Variants in BCOR observed in about 807,000 individuals in gnomAD.
BCOR encodes BCL6 corepressor, also known as BCL-6 corepressor.
Under a neutral mutation model 86.7 loss-of-function variants are expected in BCOR, and 10 were observed. The observed-to-expected ratio is 0.12, with a 90% CI of 0.07 to 0.20. The LOEUF is 0.20. BCOR is among the 10% of genes least tolerant of loss of function. BCOR has a pLI of 1.00. For synonymous variants in BCOR, 611 were observed against 609.0 expected, an observed-to-expected ratio of 1.00 and a Z score of -0.05; for missense variants, 1,259 against 1,452.1, an observed-to-expected ratio of 0.87 and a Z score of 2.16.
intron 1 of BCOR, among the ~76,000 whole-genome samples, chrX:40,172,470 C>T (rs759318858): frequency 8.8e-6 from 1 of 113,526 alleles, no homozygotes; most frequent in Non-Finnish European, 1.9e-5. Context: ...ACACAACCGC[C>T]ACGGGCTTCC....
At chrX:40,106,055 G>C (rs964067186) in intron 1 of BCOR, among the ~76,000 whole-genome samples, 3 of 112,291 alleles carry the variant, frequency 2.7e-5, no homozygotes, top group Non-Finnish European at 5.7e-5. Flanking sequence ...TCCACGTAGG[G>C]ACGTAGGGTC....
intron 1 of BCOR, among the ~76,000 whole-genome samples, chrX:40,104,802 A>G (rs1400848040): frequency 2.7e-5 from 3 of 112,824 alleles, no homozygotes; most frequent in African/African-American, 9.6e-5. Context: ...GCCGCGGTCT[A>G]AGCTCCGAGC....
At chrX:40,077,502 G>A (rs1935868088) in intron 2 of BCOR, 2 of 246,288 alleles carry the variant, frequency 8.1e-6, no homozygotes, top group South Asian at 1.3e-4. Context: ...CAAACTATTT[G>A]TTTTAAAAGC....
Position 40,073,854 on chromosome X carries a change from T to C in BCOR, c.1492A>G (p.Arg498Gly). The stretch of plus-strand genomic sequence containing the variant: ...GGAGCAGTGCTGATGATTTCAGATC[T>C]ATAGATAGCACAACCATTTCCTGGA... ...SPPGNGCAIY[R>G]SEIISTAPSS... Residue 498 changes from arginine to glycine, a missense_variant, in exon 4 of 15, where the codon AGA becomes GGA. Physicochemically the swap from Arg to Gly is moderately radical, Grantham distance 125 (BLOSUM62 -2). Around this residue, in one of 7 missense-constraint regions of BCOR, gnomAD observed 534 missense variants for 594.8 expected, o/e 0.90. Transcript: ENST00000378444. 8.2e-7 allele frequency: 1 copy of C among 1,212,457 alleles called. No homozygotes were observed. Among genetic ancestry groups the C allele is most frequent in the Non-Finnish European group, 1.1e-6 (1 of 895,671 alleles).
chrX:40,068,471 C>G (rs1486300038), intron 6 of BCOR, among the ~76,000 whole-genome samples: 1 of 112,188 alleles, frequency 8.9e-6, no homozygotes, highest in Admixed American at 9.4e-5. Context: ...CCCATGAAAC[C>G]CTTTCACTTT....
chrX:40,052,099 T>C lies in BCOR; in HGVS notation c.*10A>G. 1 of 1,183,691 alleles carries C rather than the reference T, an allele frequency of 8.4e-7. No individual in the cohort carries two copies. Among genetic ancestry groups the C allele is most frequent in the Non-Finnish European group, 1.1e-6 (1 of 879,642 alleles). On this transcript the variant is annotated 3_prime_UTR_variant, in exon 15 of 15. Coordinates refer to ENST00000378444, the MANE Select transcript of BCOR (RefSeq NM_001123385.2). ...ACTATAACACACTGTACATGGTGGG[T>C]CCAGCTTGCTCACCAGTAGTTGTCT...
intron 1 of BCOR, among the ~76,000 whole-genome samples, chrX:40,109,985 C>G (rs1428449187): frequency 8.9e-6 from 1 of 112,323 alleles, no homozygotes; most frequent in African/African-American, 3.2e-5. Context: ...CGGCCGGGTC[C>G]CCGGGCCCGT....
At chrX:40,080,396 G>A (rs1039320142) in intron 1 of BCOR, among the ~76,000 whole-genome samples, 4 of 110,898 alleles carry the variant, frequency 3.6e-5, no homozygotes, top group East Asian at 2.9e-4. Flanking sequence ...AGCCGAGATC[G>A]CACCATTGCA....
chrX:40,078,361 A>G (rs1289227558), intron 1 of BCOR, among the ~76,000 whole-genome samples: 1 of 112,079 alleles, frequency 8.9e-6, no homozygotes, highest in Non-Finnish European at 1.9e-5. Context: ...GGCTCTGACA[A>G]TAGGTTCAGG....
rs1263802464 is a variant in BCOR, at chrX:40,127,743, C to G, written c.-41+49264G>C. The stretch of plus-strand genomic sequence containing the variant: ...TAAAATCTGGCCAGGAGTGGTGGCT[C>G]TCACCTGCAGTCCCAGCTACTGAGG... On this transcript the variant is annotated intron_variant, in intron 1 of 14. Coordinates refer to the BCOR transcript ENST00000342274. Among the ~76,000 whole-genome samples the G allele has an allele frequency of 7.5e-5, 8 of 107,382 alleles. 1 individual carries two copies. Among genetic ancestry groups the G allele is most frequent in the African/African-American group, 2.4e-4 (7 of 29,435 alleles). The allele number at this position is 107,382 out of a possible 115,157, so 93.2% of individuals were successfully genotyped here.
At chrX:40,065,012 A>G (rs1459748217) in intron 6 of BCOR, among the ~76,000 whole-genome samples, 13 of 112,673 alleles carry the variant, frequency 1.2e-4, no homozygotes, top group Non-Finnish European at 1.3e-4. Flanking sequence ...ATTTTGAAAT[A>G]AATGGCAGGC....
rs183200536 is a variant in BCOR, at chrX:40,051,773, T to C, written c.*336A>G. ...CATGGCCTGTCATCAGAGCTTTGTA[T>C]GAAATTAAGTCAAAGTGTGGAGCTC... is the stretch of plus-strand genomic sequence containing the variant. On this transcript the variant is annotated 3_prime_UTR_variant, in exon 15 of 15. Transcript: ENST00000378444. 1 of 208,960 alleles carries C rather than the reference T, an allele frequency of 4.8e-6. No individual in the cohort carries two copies. Among genetic ancestry groups the C allele is most frequent in the Non-Finnish European group, 8.7e-6 (1 of 114,773 alleles). The allele number at this position is 208,960 out of a possible 1,213,427, so 17.2% of individuals were successfully genotyped here.
chrX:40,083,947 A>G (rs1936232371), intron 1 of BCOR, among the ~76,000 whole-genome samples: 1 of 111,852 alleles, frequency 8.9e-6, no homozygotes, highest in African/African-American at 3.2e-5. Context: ...TGACGAAAAG[A>G]AACTTTGGGT....
intron 1 of BCOR, among the ~76,000 whole-genome samples, chrX:40,147,839 T>C (rs1330184836): frequency 8.9e-6 from 1 of 112,943 alleles, no homozygotes; most frequent in Admixed American, 9.3e-5. Context: ...CATGACTTCC[T>C]GCCAGAGCTG....
intron 1 of BCOR, among the ~76,000 whole-genome samples, chrX:40,168,854 T>C (rs1230943996): frequency 8.8e-6 from 1 of 113,323 alleles, no homozygotes; most frequent in African/African-American, 3.2e-5. Context: ...GCAAATTATT[T>C]ATGGGCTGTC....
chrX:40,153,613 C>CA (rs1938217883), intron 1 of BCOR, among the ~76,000 whole-genome samples: 1 of 111,813 alleles, frequency 8.9e-6, no homozygotes. Flanking sequence ...AGGGTTTTCC[C>CA]CCTTTCCCCT....
intron 6 of BCOR, among the ~76,000 whole-genome samples, chrX:40,067,115 T>C (rs1448303801): frequency 3.6e-5 from 4 of 112,007 alleles, no homozygotes; most frequent in Non-Finnish European, 7.5e-5. Context: ...CACTGCAAAC[T>C]TCCTAATAGT....
intron 1 of BCOR, among the ~76,000 whole-genome samples, chrX:40,161,229 C>T (rs1173495514): frequency 9.9e-6 from 1 of 101,093 alleles, no homozygotes; most frequent in Non-Finnish European, 2.0e-5. Context: ...TTTTTTGAGA[C>T]GTCGTCTCAC....
chrX:40,056,281 T>TAAAAAAAAAAAAAAAAAAAAAAAAA (rs60712024), intron 11 of BCOR, among the ~76,000 whole-genome samples: 1 of 61,451 alleles, frequency 1.6e-5, no homozygotes, highest in African/African-American at 6.9e-5. Context: ...TGTCACACAT[T>TAAAAAAAAAAAAAAAAAAAAAAAAA]AAAAAAAAAA....
Sources: gnomAD v4.1 joint callset for allele counts (sites outside exome capture counted in the v4.1 genomes callset) on GRCh38, gnomAD v4.1.1 for gene constraint, gnomAD v4.1.1 regional missense constraint, MANE v1.5 for transcripts, NCBI Gene and HGNC (gene_info 2026-07-23, HGNC 2026-07-21) for gene names.